The following PDE10A variants were observed in gnomAD, a reference collection of about 807,000 sequenced individuals.
PDE10A encodes the protein phosphodiesterase 10A, also known as cAMP and cAMP-inhibited cGMP 3',5'-cyclic phosphodiesterase 10A.
A neutral mutation model predicts 97.7 loss-of-function variants in PDE10A; 39 were observed. The observed-to-expected ratio is 0.40, with a 90% CI of 0.31 to 0.52. The LOEUF is 0.52. Ranked by LOEUF, PDE10A falls within the 20% of genes least tolerant of loss-of-function variation. The pLI is 0.56. For synonymous variants in PDE10A, 371 were observed against 376.8 expected (o/e 0.98, Z 0.18); for missense variants, 731 against 1,047.8 (o/e 0.70, Z 4.17).
intron 1 of PDE10A, among the ~76,000 whole-genome samples, chr6:165,845,405 A>G (rs1780386666): frequency 6.6e-6 from 1 of 152,262 alleles, no homozygotes; most frequent in Admixed American, 6.5e-5. Flanking sequence ...TCGAAGGTCA[A>G]GGTTATGATG....
intron 1 of PDE10A, chr6:165,545,262 G>C: frequency 2.1e-6 from 1 of 482,746 alleles, no homozygotes; most frequent in South Asian, 1.5e-5. Flanking sequence ...TCTAAATCAG[G>C]AATCTTAACA....
chr6:165,327,527 A>T lies in PDE10A; in HGVS notation c.*5498T>A, dbSNP rs1379669309. The T allele has an allele frequency of 6.6e-6, 1 of 152,194 alleles. No individual in the cohort carries two copies. Among genetic ancestry groups the T allele is most frequent in the African/African-American group, 2.4e-5 (1 of 41,460 alleles). 9.4% of individuals were successfully genotyped at this position (152,194 alleles called of 1,614,324 possible). ...ATGAATTTATTTACAACTTGCCTAGATTATAATAAATGATTACTGTTCTAT... is the reference window on the plus strand; with the variant it reads ...ATGAATTTATTTACAACTTGCCTAGTTTATAATAAATGATTACTGTTCTAT... On this transcript the variant is annotated 3_prime_UTR_variant, in exon 22 of 22. Coordinates refer to ENST00000539869, the MANE Select transcript of PDE10A (RefSeq NM_001385079.1).
chr6:165,454,994 C>T (rs920729655), intron 3 of PDE10A, among the ~76,000 whole-genome samples: 1 of 152,094 alleles, frequency 6.6e-6, no homozygotes, highest in African/African-American at 2.4e-5. Context: ...TCCTACTATG[C>T]CACCAAAAAT....
At chr6:165,442,639 A>G (rs1790555702) in intron 5 of PDE10A, among the ~76,000 whole-genome samples, 1 of 152,048 alleles carries the variant, frequency 6.6e-6, no homozygotes, top group Non-Finnish European at 1.5e-5. Context: ...ATCACCTCCC[A>G]CCAGGTCCTT....
chr6:165,960,594 G>A (rs1266924455), intron 1 of PDE10A, among the ~76,000 whole-genome samples: 3 of 152,216 alleles, frequency 2.0e-5, no homozygotes, highest in Admixed American at 2.0e-4. Flanking sequence ...AGGAGAGCAG[G>A]GGACAGCTAG....
rs1029975375 is a variant in PDE10A, at chr6:165,655,324, A to G, written c.865+6623T>C. ...GTTTATCCAACTGCCTTCCTAGCATATGCATCTCAGGCTGAACACCACCAA... is the reference window on the plus strand; with the variant it reads ...GTTTATCCAACTGCCTTCCTAGCATGTGCATCTCAGGCTGAACACCACCAA... On this transcript the variant is annotated intron_variant, in intron 1 of 21. Coordinates refer to ENST00000539869, the MANE Select transcript of PDE10A (RefSeq NM_001385079.1). This position sits in a 1 kb window ranked among gnomAD's most constrained non-coding sequence, Gnocchi z 4.5. 6.6e-6 allele frequency among the ~76,000 whole-genome samples: 1 copy of G among 152,112 alleles called. No individual in the cohort carries two copies. The highest frequency in any genetic ancestry group is 2.1e-4 in the South Asian group (1 of 4,830).
At chr6:165,953,812 A>G (rs1330103950) in intron 1 of PDE10A, among the ~76,000 whole-genome samples, 1 of 152,206 alleles carries the variant, frequency 6.6e-6, no homozygotes, top group Non-Finnish European at 1.5e-5. Context: ...ACAGTTCTAC[A>G]GTAGTTCTAT....
intron 1 of PDE10A, among the ~76,000 whole-genome samples, chr6:165,645,220 C>G (rs1322856080): frequency 6.6e-6 from 1 of 152,164 alleles, no homozygotes; most frequent in East Asian, 1.9e-4. Context: ...GAGTGCACAG[C>G]GAGGGTGCGG....
At chr6:165,381,007 C>T (rs1300820735) in intron 17 of PDE10A, among the ~76,000 whole-genome samples, 1 of 150,892 alleles carries the variant, frequency 6.6e-6, no homozygotes, top group Non-Finnish European at 1.5e-5. Flanking sequence ...GGAATCACAG[C>T]TGATACAATT....
chr6:165,619,379 GTAGTCTAGTA>G (rs1787942240), intron 1 of PDE10A, among the ~76,000 whole-genome samples: 2 of 101,792 alleles, frequency 2.0e-5, no homozygotes, highest in African/African-American at 3.3e-5. Context: ...GTGGTGTAGT[GTAGTCTAGTA>G]TAGTGTAGTG....
intron 1 of PDE10A, among the ~76,000 whole-genome samples, chr6:165,678,206 TG>T (rs1790870958): frequency 6.6e-6 from 1 of 150,384 alleles, no homozygotes; most frequent in African/African-American, 2.5e-5. Context: ...TGTATATGTG[TG>T]TCTGTGTGTG....
chr6:165,783,830 T>C (rs1465530271), intron 1 of PDE10A, among the ~76,000 whole-genome samples: 3 of 152,214 alleles, frequency 2.0e-5, no homozygotes. Context: ...ACTTGCCACG[T>C]TCCTAGTGCA....
chr6:165,802,804 C>T (rs2128465791), intron 1 of PDE10A, among the ~76,000 whole-genome samples: 1 of 152,280 alleles, frequency 6.6e-6, no homozygotes, highest in South Asian at 2.1e-4. Flanking sequence ...CAAATTCTAC[C>T]AACTGGACCT....
At chr6:165,802,911 A>G (rs1182172461) in intron 1 of PDE10A, among the ~76,000 whole-genome samples, 3 of 152,226 alleles carry the variant, frequency 2.0e-5, no homozygotes, top group East Asian at 3.9e-4. Flanking sequence ...GTGATCACGT[A>G]CCACATACAG....
At chr6:165,942,573 C>G (rs1783565360) in intron 1 of PDE10A, among the ~76,000 whole-genome samples, 1 of 152,098 alleles carries the variant, frequency 6.6e-6, no homozygotes, top group African/African-American at 2.4e-5. Context: ...GCCGCTCTGC[C>G]CCCGCTCTGC....
intron 13 of PDE10A, among the ~76,000 whole-genome samples, chr6:165,407,725 T>C (rs976449190): frequency 6.6e-6 from 1 of 152,266 alleles, no homozygotes; most frequent in East Asian, 1.9e-4. Context: ...CTAATCTGTT[T>C]TAAAAGATTT....
At chr6:165,387,516 T>C (rs1455977587) in intron 17 of PDE10A, among the ~76,000 whole-genome samples, 1 of 152,230 alleles carries the variant, frequency 6.6e-6, no homozygotes, top group South Asian at 2.1e-4. Context: ...CTTTTCTGCT[T>C]CGCAACTTGC....
chr6:165,364,005 T>C (rs917744512), intron 18 of PDE10A, among the ~76,000 whole-genome samples: 1 of 152,136 alleles, frequency 6.6e-6, no homozygotes. Context: ...CTTTAGAAAC[T>C]GACAAGGTGA....
At chr6:165,408,985 G>A (rs1200722957) in intron 13 of PDE10A, among the ~76,000 whole-genome samples, 6 of 151,356 alleles carry the variant, frequency 4.0e-5, no homozygotes, top group East Asian at 4.0e-4. Flanking sequence ...CTAACACGGC[G>A]AAACCCCATC....
Sources: gnomAD v4.1 joint callset for allele counts (sites outside exome capture counted in the v4.1 genomes callset) on GRCh38, gnomAD v4.1.1 for gene constraint, Gnocchi (gnomAD v3.1) non-coding constraint, MANE v1.5 for transcripts, NCBI Gene and HGNC (gene_info 2026-07-23, HGNC 2026-07-21) for gene names.